DPY19L3: variants seen among roughly 807,000 people sequenced by gnomAD.
DPY19L3 encodes the protein protein C-mannosyl-transferase DPY19L3.
DPY19L3 carries 51 observed loss-of-function variants against 92.3 expected under a neutral mutation model. The observed-to-expected ratio is 0.55, with a 90% CI of 0.44 to 0.70. The LOEUF (loss-of-function observed/expected upper bound fraction) is 0.70, where lower values mean the gene tolerates loss of function less well. Ranked by LOEUF, DPY19L3 falls within the 30% of genes least tolerant of loss-of-function variation. The pLI, the probability that DPY19L3 is intolerant of heterozygous loss-of-function variation, is 0.00. For missense variants in DPY19L3, 706 were observed against 855.9 expected (o/e 0.82, Z 2.18); for synonymous variants, 309 against 315.2 (o/e 0.98, Z 0.21).
chr19:32,465,271 G>T (rs1026558057), intron 15 of DPY19L3, among the ~76,000 whole-genome samples: 11 of 152,210 alleles, frequency 7.2e-5, no homozygotes, highest in Admixed American at 7.2e-4. Flanking sequence ...TCAATAGGAA[G>T]TATCTGGATT....
intron 16 of DPY19L3, among the ~76,000 whole-genome samples, chr19:32,471,254 A>T (rs537326097): frequency 6.6e-6 from 1 of 152,300 alleles, no homozygotes; most frequent in Non-Finnish European, 1.5e-5. Context: ...AAAGAGTCCC[A>T]AGACGCCTGG....
chr19:32,458,520 T>C lies in DPY19L3; in HGVS notation c.1322+11T>C, dbSNP rs930002982. Reference sequence around the variant, plus strand: ...CTTTCATAATCTCAGGTATGGTATATTTCAGAAATCTAATGCTCTCCTTTA... The same window carrying C: ...CTTTCATAATCTCAGGTATGGTATACTTCAGAAATCTAATGCTCTCCTTTA... On this transcript the variant is annotated intron_variant, in intron 12 of 18. Coordinates refer to ENST00000392250, the MANE Select transcript of DPY19L3 (RefSeq NM_001172774.2). 1.3e-6 allele frequency: 2 copies of C among 1,596,170 alleles called. No homozygotes were observed. The highest frequency in any genetic ancestry group is 1.7e-6 in the Non-Finnish European group (2 of 1,175,158).
At chr19:32,410,520 C>T (rs139293185) in intron 2 of DPY19L3, among the ~76,000 whole-genome samples, 266 of 152,176 alleles carry the variant, frequency 1.7e-3, no homozygotes, top group Non-Finnish European at 2.8e-3. Context: ...GGCTCATGCC[C>T]GTAATCCCAG....
In DPY19L3 at chr19:32,445,440, C is replaced by CA. The variant is rs71336904; in HGVS notation, c.855+5551dup. On this transcript the variant is annotated intron_variant, in intron 8 of 18. Transcript: ENST00000392250. ...TGGGGGACAGAGCGAGACTTCATCT[C>CA]AAAAAAAAAAAAAAAAAAAAACCAT... Among the ~76,000 whole-genome samples, 167 of 42,794 alleles carry CA rather than the reference C, an allele frequency of 3.9e-3. 8 individuals are homozygous for CA. The highest frequency in any genetic ancestry group is 5.0e-3 in the Non-Finnish European group (134 of 27,016). 28.1% of individuals were successfully genotyped at this position (42,794 alleles called of 152,430 possible).
rs1970652407 is a variant in DPY19L3 at position 32,480,848 on chromosome 19, ATCTGT to A, written c.1989+292_1989+296del. 22 of 478,668 alleles carry A rather than the reference ATCTGT, an allele frequency of 4.6e-5. 1 individual carries two copies. The highest frequency in any genetic ancestry group is 7.3e-6 in the Non-Finnish European group (2 of 273,742). 29.7% of individuals were successfully genotyped at this position (478,668 alleles called of 1,614,324 possible). On this transcript the variant is annotated intron_variant, in intron 18 of 18. Transcript: ENST00000392250. ...TATGATGGGGCTCTGCATAAAATGT[ATCTGT>A]GAAGGATTTTGCTGCTATAAACAAA...
intron 8 of DPY19L3, among the ~76,000 whole-genome samples, chr19:32,448,952 T>C (rs1271629746): frequency 6.6e-6 from 1 of 152,232 alleles, no homozygotes; most frequent in Non-Finnish European, 1.5e-5. Flanking sequence ...TATACAATCT[T>C]GTTGTTACAC....
intron 3 of DPY19L3, among the ~76,000 whole-genome samples, chr19:32,421,349 A>G (rs905758542): frequency 6.6e-6 from 1 of 152,172 alleles, no homozygotes; most frequent in African/African-American, 2.4e-5. Flanking sequence ...TGCTGAGAGA[A>G]GAGTCTGCGG....
intron 4 of DPY19L3, among the ~76,000 whole-genome samples, chr19:32,435,967 A>G (rs1473503231): frequency 6.6e-6 from 1 of 152,250 alleles, no homozygotes; most frequent in Non-Finnish European, 1.5e-5. Flanking sequence ...AGAGGGCAAG[A>G]GCAAGAGCTG....
At chr19:32,422,561 G>A (rs999846549) in intron 3 of DPY19L3, among the ~76,000 whole-genome samples, 3 of 151,180 alleles carry the variant, frequency 2.0e-5, no homozygotes, top group Non-Finnish European at 4.4e-5. Context: ...GACAATTGAG[G>A]ACAAAGAGCA....
In DPY19L3 at chr19:32,437,362, C is replaced by CT. The variant is rs751838391; in HGVS notation, c.596+31dup. 6.7e-5 allele frequency: 106 copies of CT among 1,576,288 alleles called. 1 individual carries two copies. The highest frequency in any genetic ancestry group is 1.2e-4 in the South Asian group (10 of 85,582). On this transcript the variant is annotated intron_variant, in intron 6 of 18. Transcript: ENST00000392250. The stretch of plus-strand genomic sequence containing the variant: ...TAGGTGAGTTGGAGTCAGTATGCTT[C>CT]TTTTTTTTCCAAAATGTAAGTAAAA...
intron 17 of DPY19L3, among the ~76,000 whole-genome samples, chr19:32,478,716 A>C (rs1258207248): frequency 6.6e-6 from 1 of 152,246 alleles, no homozygotes; most frequent in African/African-American, 2.4e-5. Context: ...TTCTATATTC[A>C]GTATATTAAC....
chr19:32,406,640 G>A (rs923252201), intron 1 of DPY19L3, among the ~76,000 whole-genome samples: 4 of 152,108 alleles, frequency 2.6e-5, no homozygotes, highest in Admixed American at 2.0e-4. Flanking sequence ...GAGCCGCCTC[G>A]CCCGGCTAGC....
At chr19:32,456,044 ACT>A (rs1488942469) in intron 10 of DPY19L3, among the ~76,000 whole-genome samples, 1 of 145,004 alleles carries the variant, frequency 6.9e-6, no homozygotes, top group East Asian at 2.0e-4. Flanking sequence ...GAAAAAAAAG[ACT>A]CTTCACTCAG....
chr19:32,417,107 G>A (rs1968403350), intron 3 of DPY19L3, among the ~76,000 whole-genome samples: 2 of 152,220 alleles, frequency 1.3e-5, no homozygotes. Context: ...TATCTCCCAG[G>A]AACTGGGGAC....
At chr19:32,433,844 T>C (rs1279667227) in intron 4 of DPY19L3, among the ~76,000 whole-genome samples, 2 of 152,236 alleles carry the variant, frequency 1.3e-5, no homozygotes, top group Non-Finnish European at 2.9e-5. Flanking sequence ...GATTCATCCA[T>C]AATAAGGGTA....
At chr19:32,458,918 G>A (rs756801944) in intron 12 of DPY19L3, among the ~76,000 whole-genome samples, 68 of 152,124 alleles carry the variant, frequency 4.5e-4, no homozygotes, top group Non-Finnish European at 8.8e-4. Context: ...TCGTGAACTG[G>A]TTTCATTATC....
chr19:32,460,474 A>G (rs1970002478), intron 12 of DPY19L3, among the ~76,000 whole-genome samples: 1 of 152,214 alleles, frequency 6.6e-6, no homozygotes, highest in Admixed American at 6.5e-5. Context: ...CAGTTTTCAT[A>G]AATGGAGCTT....
At chr19:32,411,216 T>G in intron 2 of DPY19L3, 23 bp from the exon 3 acceptor site, 1 of 1,598,510 alleles carries the variant, frequency 6.3e-7, no homozygotes, top group Non-Finnish European at 8.5e-7. Flanking sequence ...CTTAGTTATT[T>G]ATCTGTTCCA....
chr19:32,446,087 C>T (rs1969490056), intron 8 of DPY19L3, among the ~76,000 whole-genome samples: 1 of 151,914 alleles, frequency 6.6e-6, no homozygotes, highest in African/African-American at 2.4e-5. Flanking sequence ...AATACTTTAA[C>T]AATATAAATG....
Sources: allele counts gnomAD v4.1 joint callset (sites outside exome capture counted in the v4.1 genomes callset), GRCh38; gene constraint gnomAD v4.1.1; transcripts MANE v1.5; gene names NCBI Gene and HGNC (gene_info 2026-07-23, HGNC 2026-07-21).